Variants in OSBPL10 observed in about 807,000 individuals in gnomAD.
OSBPL10 encodes the protein oxysterol-binding protein-related protein 10.
OSBPL10 carries 49 observed loss-of-function variants against 81.7 expected under a neutral mutation model. The observed-to-expected ratio is 0.60, with a 90% confidence interval of 0.48 to 0.76. The LOEUF is 0.76. Ranked by LOEUF, OSBPL10 falls within the 30% of genes least tolerant of loss-of-function variation. OSBPL10 has a pLI of 0.00. For missense variants in OSBPL10, 923 were observed against 987.8 expected (o/e 0.93, Z 0.88); for synonymous variants, 419 against 383.6 (o/e 1.09, Z -1.08).
In OSBPL10 at chr3:31,705,952, T is replaced by C. The variant is rs373940631; in HGVS notation, c.1096-3444A>G. ...CAGATCCCCCATCCCCCAGAGATTT[T>C]TGCAAATGAGCCAGCCCAGCCACAA... On this transcript the variant is annotated intron_variant, in intron 6 of 11. Coordinates refer to ENST00000396556, the MANE Select transcript of OSBPL10 (RefSeq NM_017784.5). Among the ~76,000 whole-genome samples the C allele has an allele frequency of 1.8e-3, 275 of 152,318 alleles. 1 individual carries two copies. The highest frequency in any genetic ancestry group is 8.3e-3 in the South Asian group (40 of 4,820).
intron 2 of OSBPL10, among the ~76,000 whole-genome samples, chr3:32,026,059 A>T (rs370291067): frequency 1.1e-5 from 1 of 87,346 alleles, no homozygotes; most frequent in Admixed American, 1.5e-4. Flanking sequence ...TAGATAGATG[A>T]TAGATAGATA....
intron 2 of OSBPL10, among the ~76,000 whole-genome samples, chr3:32,010,144 T>C (rs545739590): frequency 2.2e-4 from 33 of 151,968 alleles, no homozygotes; most frequent in African/African-American, 7.7e-4. Flanking sequence ...CTGCCCATTT[T>C]TTTTTTTTTA....
intron 3 of OSBPL10, among the ~76,000 whole-genome samples, chr3:31,853,065 GT>G (rs1267304035): frequency 6.6e-6 from 1 of 152,202 alleles, no homozygotes; most frequent in Non-Finnish European, 1.5e-5. Context: ...ATGAAAAAGA[GT>G]TTTTTAGTCC....
At chr3:31,833,705 G>GCACACGCACACACACA (rs1553631715) in intron 3 of OSBPL10, among the ~76,000 whole-genome samples, 1 of 137,962 alleles carries the variant, frequency 7.2e-6, no homozygotes, top group East Asian at 2.2e-4. Context: ...ACACGCACAC[G>GCACACGCACACACACA]CACACACACA....
chr3:32,020,060 G>A (rs1699347939), intron 2 of OSBPL10, among the ~76,000 whole-genome samples: 1 of 152,170 alleles, frequency 6.6e-6, no homozygotes, highest in Non-Finnish European at 1.5e-5. Context: ...CAGAAGTCTG[G>A]ATGCTTAATC....
Position 31,981,164 on chromosome 3 carries a change from G to A in OSBPL10, c.16C>T (p.Gln6Ter). MERAV[Q>*]GTDGGGGSNS... ...CTACCCCCGCCGCCGTCTGTGCCCT[G>A]GACTGCCCTCTCCATGGTCCGTGGG... Residue 6 changes from glutamine to a stop codon, truncating the protein, a stop_gained, in exon 1 of 12, where the codon CAG (glutamine) becomes TAG (stop). Coordinates refer to ENST00000396556, the MANE Select transcript of OSBPL10 (RefSeq NM_017784.5). LOFTEE classifies it high-confidence loss of function. This position sits in a 1 kb window ranked among gnomAD's most constrained non-coding sequence, Gnocchi z 4.5. 6.7e-7 allele frequency: 1 copy of A among 1,483,002 alleles called. No homozygotes were observed. The highest frequency in any genetic ancestry group is 8.9e-7 in the Non-Finnish European group (1 of 1,121,836). 91.9% of individuals were successfully genotyped at this position (1,483,002 alleles called of 1,614,324 possible). A position where few individuals can be genotyped will look rare whatever the true frequency, so the allele number is the denominator to read the frequency against.
At chr3:32,019,022 A>G (rs569911296) in intron 2 of OSBPL10, among the ~76,000 whole-genome samples, 5 of 152,266 alleles carry the variant, frequency 3.3e-5, no homozygotes, top group African/African-American at 7.2e-5. Flanking sequence ...GGAAAAAAGG[A>G]AAAAAAGGTA....
intron 4 of OSBPL10, among the ~76,000 whole-genome samples, chr3:31,785,680 A>G (rs1311644574): frequency 6.6e-6 from 1 of 151,982 alleles, no homozygotes; most frequent in Non-Finnish European, 1.5e-5. Context: ...ACTGAACTAG[A>G]TTGCCTCGGC....
intron 8 of OSBPL10, among the ~76,000 whole-genome samples, chr3:31,673,515 T>TG (rs1700377975): frequency 6.6e-6 from 1 of 152,066 alleles, no homozygotes; most frequent in African/African-American, 2.4e-5. Flanking sequence ...CCCACAGACT[T>TG]GGAGACTGTG....
chr3:31,694,791 G>C (rs912722641), intron 7 of OSBPL10, among the ~76,000 whole-genome samples: 1 of 152,070 alleles, frequency 6.6e-6, no homozygotes, highest in African/African-American at 2.4e-5. Flanking sequence ...TTTCACTCTT[G>C]TTGCCCAGAC....
At chr3:31,665,204 C>G (rs887011398) in intron 10 of OSBPL10, among the ~76,000 whole-genome samples, 13 of 152,198 alleles carry the variant, frequency 8.5e-5, no homozygotes, top group Non-Finnish European at 1.5e-5. Context: ...CAGACACACT[C>G]TGTTCTAGAG....
At chr3:31,949,172 C>T (rs1697789897) in intron 1 of OSBPL10, among the ~76,000 whole-genome samples, 1 of 152,120 alleles carries the variant, frequency 6.6e-6, no homozygotes, top group Non-Finnish European at 1.5e-5. Flanking sequence ...AAATCTGCCT[C>T]AATTGTCATT....
At position 32,048,937 on chromosome 3, in the gene OSBPL10, C is replaced by T. The variant is rs368417984; in HGVS notation, n.186-2334G>A. Among the ~76,000 whole-genome samples, 10 of 152,306 alleles carry T rather than the reference C, an allele frequency of 6.6e-5. No individual in the cohort carries two copies. The South Asian group carries it at 2.1e-3, about 32-fold the overall frequency. ...CTGGTTGTTATCACTGCTCATTATA[C>T]ACTAATTAGAAAACATTAGCATGCT... On this transcript the variant is annotated intron_variant and non_coding_transcript_variant, in intron 1 of 3. Transcript: ENST00000479173.
At chr3:31,666,300 G>A (rs1383996737) in intron 10 of OSBPL10, among the ~76,000 whole-genome samples, 2 of 152,174 alleles carry the variant, frequency 1.3e-5, no homozygotes, top group African/African-American at 4.8e-5. Context: ...TACAGGTATG[G>A]GAAGACCGAA....
chr3:31,857,822 G>GAGAGAA (rs1397076353), intron 3 of OSBPL10, among the ~76,000 whole-genome samples: 1 of 52,170 alleles, frequency 1.9e-5, no homozygotes, highest in African/African-American at 9.1e-5. Flanking sequence ...GAGAAAGGGA[G>GAGAGAA]AGGGAGAGGG....
chr3:31,866,199 T>C (rs1307241852), intron 3 of OSBPL10, among the ~76,000 whole-genome samples: 1 of 152,144 alleles, frequency 6.6e-6, no homozygotes, highest in African/African-American at 2.4e-5. Context: ...ATGGATAGAA[T>C]TCCCCACTCC....
intron 4 of OSBPL10, among the ~76,000 whole-genome samples, chr3:31,768,614 T>C (rs1372866232): frequency 2.6e-5 from 4 of 152,170 alleles, no homozygotes; most frequent in African/African-American, 7.2e-5. Context: ...AATTGGCCTA[T>C]GTTCATGTAA....
chr3:31,666,231 G>C (rs538324567), intron 10 of OSBPL10, among the ~76,000 whole-genome samples: 1 of 152,326 alleles, frequency 6.6e-6, no homozygotes, highest in African/African-American at 2.4e-5. Context: ...GGGCCCCTGA[G>C]GGCTCTGGCC....
intron 6 of OSBPL10, among the ~76,000 whole-genome samples, chr3:31,715,348 C>T (rs975107345): frequency 6.6e-6 from 1 of 152,112 alleles, no homozygotes; most frequent in African/African-American, 2.4e-5. Context: ...CTTTTGATGG[C>T]CTCCCAATCA....
Sources: allele counts gnomAD v4.1 joint callset (sites outside exome capture counted in the v4.1 genomes callset), GRCh38; gene constraint gnomAD v4.1.1; non-coding constraint Gnocchi (gnomAD v3.1); transcripts MANE v1.5; gene names NCBI Gene and HGNC (gene_info 2026-07-23, HGNC 2026-07-21).